PCSK5: variants seen among roughly 807,000 people sequenced by gnomAD.
The protein encoded by PCSK5 is proprotein convertase subtilisin/kexin type 5, also known as prohormone convertase 5.
A neutral mutation model predicts 233.2 loss-of-function variants in PCSK5; 129 were observed. The ratio of observed to expected loss-of-function variants is 0.55; its 90% CI spans 0.48 to 0.64. PCSK5 has a LOEUF of 0.64. PCSK5 is among the 30% of genes least tolerant of loss of function. The pLI is 0.00. For synonymous variants in PCSK5, 825 were observed against 879.2 expected, an observed-to-expected ratio of 0.94 and a Z score of 1.09; for missense variants, 2,076 against 2,430.1, an observed-to-expected ratio of 0.85 and a Z score of 3.06.
intron 1 of PCSK5, among the ~76,000 whole-genome samples, chr9:75,900,468 C>T (rs1025525357): frequency 6.6e-6 from 1 of 151,878 alleles, no homozygotes; most frequent in Middle Eastern, 3.2e-3. Context: ...CTCTTGAGGC[C>T]AGGAGATCAA....
At chr9:76,242,576 G>T (rs1384955419) in intron 24 of PCSK5, among the ~76,000 whole-genome samples, 1 of 152,280 alleles carries the variant, frequency 6.6e-6, no homozygotes, top group Middle Eastern at 3.4e-3. Flanking sequence ...AAGTACTGAA[G>T]TAAAAAACTA....
At chr9:76,245,317 A>AG (rs2131336473) in intron 24 of PCSK5, among the ~76,000 whole-genome samples, 1 of 152,332 alleles carries the variant, frequency 6.6e-6, no homozygotes, top group African/African-American at 2.4e-5. Flanking sequence ...TTGGGATAAA[A>AG]CATATCCAAA....
At chr9:76,173,622 C>CCAGACT (rs1389775240) in intron 13 of PCSK5, among the ~76,000 whole-genome samples, 1 of 147,606 alleles carries the variant, frequency 6.8e-6, no homozygotes, top group East Asian at 2.0e-4. Context: ...TGTAAGTGAT[C>CCAGACT]CAGACTCATA....
intron 20 of PCSK5, chr9:76,193,548 A>AAAT (rs1468869216): frequency 2.0e-6 from 1 of 505,872 alleles, no homozygotes; most frequent in African/African-American, 2.0e-5. Flanking sequence ...ATGGAAAAAA[A>AAAT]AATAAAACTA....
At chr9:76,214,294 T>TCACACACACACACGTG (rs777809612) in intron 20 of PCSK5, among the ~76,000 whole-genome samples, 1 of 150,658 alleles carries the variant, frequency 6.6e-6, no homozygotes, top group Admixed American at 6.6e-5. Flanking sequence ...CCACATTCAC[T>TCACACACACACACGTG]CACACACACA....
At chr9:76,209,485 T>C (rs1316722027) in intron 20 of PCSK5, 1 of 510,412 alleles carries the variant, frequency 2.0e-6, no homozygotes, top group Non-Finnish European at 3.9e-6. Flanking sequence ...GTATCTCAGA[T>C]GCCTGGAATA....
intron 7 of PCSK5, among the ~76,000 whole-genome samples, chr9:76,073,951 C>T (rs1477546063): frequency 6.6e-6 from 1 of 151,992 alleles, no homozygotes; most frequent in East Asian, 1.9e-4. Flanking sequence ...ACAAAATCAC[C>T]TGAGAAAATT....
intron 8 of PCSK5, among the ~76,000 whole-genome samples, chr9:76,096,432 C>T (rs1831516714): frequency 6.6e-6 from 1 of 152,122 alleles, no homozygotes; most frequent in Admixed American, 6.5e-5. Context: ...TGACTCAGTC[C>T]TGTACTCCTA....
At chr9:75,996,442 G>C (rs1374135166) in intron 3 of PCSK5, among the ~76,000 whole-genome samples, 1 of 152,118 alleles carries the variant, frequency 6.6e-6, no homozygotes, top group Non-Finnish European at 1.5e-5. Context: ...TGGCCTACCA[G>C]GACATGGCAG....
chr9:76,340,247 A>C lies in PCSK5; in HGVS notation c.4966+1800A>C, dbSNP rs185958989. On this transcript the variant is annotated intron_variant, in intron 35 of 37. Coordinates refer to ENST00000674117, the MANE Select transcript of PCSK5 (RefSeq NM_001372043.1). Reference sequence around the variant, plus strand: ...TGTGTATCCCTTGTTTCTACTCTGGAGTGTAAAACATAAGTTTTCATTCAG... The same window carrying C: ...TGTGTATCCCTTGTTTCTACTCTGGCGTGTAAAACATAAGTTTTCATTCAG... 4.7e-3 allele frequency among the ~76,000 whole-genome samples: 722 copies of C among 152,286 alleles called. 9 individuals carry two copies. Among genetic ancestry groups the C allele is most frequent in the African/African-American group, 0.016 (683 of 41,556 alleles).
chr9:76,090,863 C>A lies in PCSK5; in HGVS notation c.895-5027C>A, dbSNP rs897652664. ...TGGGAACCCTGAGCTTGTTTTCCTG[C>A]AGCTAAATGGTCCCATCTGGGGGTG... On this transcript the variant is annotated intron_variant, in intron 7 of 37. Coordinates refer to ENST00000674117, the MANE Select transcript of PCSK5 (RefSeq NM_001372043.1). Among the ~76,000 whole-genome samples the A allele has an allele frequency of 7.9e-5, 12 of 152,114 alleles. 1 individual carries two copies. The highest frequency in any genetic ancestry group is 7.9e-4 in the Admixed American group (12 of 15,276).
intron 2 of PCSK5, among the ~76,000 whole-genome samples, chr9:75,970,401 A>G (rs1825766909): frequency 6.6e-6 from 1 of 152,192 alleles, no homozygotes; most frequent in African/African-American, 2.4e-5. Flanking sequence ...GATTTCTATC[A>G]TCATTGCCAA....
intron 9 of PCSK5, among the ~76,000 whole-genome samples, chr9:76,112,599 G>A (rs1429963270): frequency 6.6e-6 from 1 of 151,732 alleles, no homozygotes; most frequent in Non-Finnish European, 1.5e-5. Context: ...TTCCTTGAGA[G>A]TAAGGATTAT....
In PCSK5 at chr9:75,931,548, A is replaced by G. The variant is rs528920366; in HGVS notation, c.193-831A>G. On this transcript the variant is annotated intron_variant, in intron 1 of 37. Coordinates refer to ENST00000674117, the MANE Select transcript of PCSK5 (RefSeq NM_001372043.1). ...TTAGAACCAAGCTCTTCTGTCTTCA[A>G]TGCATAGTTCAATTTTCATTCTATG... 1.0e-3 allele frequency among the ~76,000 whole-genome samples: 155 copies of G among 152,332 alleles called. 7 individuals are homozygous for G. The South Asian group carries it at 0.03, about 29-fold the overall frequency.
At chr9:76,345,006 G>A (rs935538448) in intron 35 of PCSK5, among the ~76,000 whole-genome samples, 1 of 152,038 alleles carries the variant, frequency 6.6e-6, no homozygotes, top group East Asian at 1.9e-4. Context: ...AGAATTGGGG[G>A]TATATGTGCA....
rs183061829 is a variant in PCSK5, at chr9:75,936,792, C to A, written c.297+4309C>A. Among the ~76,000 whole-genome samples, 592 of 152,306 alleles carry A rather than the reference C, an allele frequency of 3.9e-3. 4 individuals are homozygous for A. The highest frequency in any genetic ancestry group is 0.02 in the Middle Eastern group (6 of 294). ...GAATCAAGAACATTCTTAATAGCAT[C>A]TAGAATGGTGAATGCTTTCCAGAAA... On this transcript the variant is annotated intron_variant, in intron 2 of 37. Coordinates refer to ENST00000674117, the MANE Select transcript of PCSK5 (RefSeq NM_001372043.1).
intron 2 of PCSK5, among the ~76,000 whole-genome samples, chr9:75,939,635 A>C (rs1824211354): frequency 1.3e-5 from 2 of 152,230 alleles, no homozygotes; most frequent in Admixed American, 1.3e-4. Flanking sequence ...TAAAATCCTA[A>C]CTTTTCTAGT....
chr9:76,196,427 G>C (rs1203108395), intron 20 of PCSK5, among the ~76,000 whole-genome samples: 1 of 152,256 alleles, frequency 6.6e-6, no homozygotes, highest in South Asian at 2.1e-4. Context: ...ACATACCAGG[G>C]GGTGGGACTG....
intron 25 of PCSK5, among the ~76,000 whole-genome samples, chr9:76,295,047 G>A (rs1025769072): frequency 2.6e-5 from 4 of 151,990 alleles, no homozygotes; most frequent in African/African-American, 7.2e-5. Context: ...CCAGCTACTC[G>A]GGAGGCTGAG....
Sources: allele counts gnomAD v4.1 joint callset (sites outside exome capture counted in the v4.1 genomes callset), GRCh38; gene constraint gnomAD v4.1.1; transcripts MANE v1.5; gene names NCBI Gene and HGNC (gene_info 2026-07-23, HGNC 2026-07-21).